The following MOGS variants were observed in gnomAD, a reference collection of about 807,000 sequenced individuals.
MOGS encodes the protein epididymis secretory sperm binding protein.
A neutral mutation model predicts 68.5 loss-of-function variants in MOGS; 45 were observed. The ratio of observed to expected loss-of-function variants is 0.66; its 90% confidence interval spans 0.52 to 0.84. The LOEUF is 0.84. Among genes scored for constraint, MOGS ranks in the 40% least tolerant of loss-of-function variants. MOGS has a pLI of 0.00. For missense variants in MOGS, 1,020 were observed against 1,095.0 expected (o/e 0.93, Z 0.97); for synonymous variants, 492 against 461.2 (o/e 1.07, Z -0.86).
chr2:74,465,135 C>T lies in MOGS; in HGVS notation c.113G>A (p.Arg38His). ...CAGAGCCACTCCTCCAGCCGTGCTA[C>T]GCGGCCCGCCGCCCCGGCCGTCCCG... ...GRRDGRGGGP[R>H]STAGGVALAV... Residue 38 changes from arginine (R) to histidine (H), a missense_variant, in exon 1 of 4, where the codon CGT becomes CAT. Arg to His is a conservative substitution (Grantham distance 29, BLOSUM62 0). This residue lies in a region of MOGS where 569 missense variants were observed against 571.9 expected (regional missense o/e 0.99). Coordinates refer to ENST00000448666, the MANE Select transcript of MOGS (RefSeq NM_006302.3). The T allele has an allele frequency of 6.5e-7, 1 of 1,533,604 alleles. No homozygotes were observed. The highest frequency in any genetic ancestry group is 1.2e-5 in the South Asian group (1 of 83,636). The allele number at this position is 1,533,604 out of a possible 1,614,324, so 95.0% of individuals were successfully genotyped here.
Position 74,461,538 on chromosome 2 carries a change from G to C in MOGS, c.2251C>G (p.Arg751Gly). The C allele has an allele frequency of 6.2e-7, 1 of 1,613,978 alleles. No homozygotes were observed. The highest frequency in any genetic ancestry group is 8.5e-7 in the Non-Finnish European group (1 of 1,179,920). ...TTGACATTGAGCCACACAGCACCCC[G>C]CCAGTAGGGGGGATCATGCTCTGAA... ...RNSEHDPPYW[R>G]GAVWLNVNYL... is the part of the protein sequence containing the mutation. Residue 751 changes from arginine to glycine, a missense_variant, in exon 4 of 4, where the codon CGG becomes GGG. Coordinates refer to ENST00000448666, the MANE Select transcript of MOGS (RefSeq NM_006302.3).
intron 2 of MOGS, 60 bp downstream of exon 2, chr2:74,464,436 G>A: frequency 6.5e-7 from 1 of 1,547,808 alleles, no homozygotes; most frequent in African/African-American, 1.4e-5. Flanking sequence ...TGCATTTGCT[G>A]GCAGCAAGGG....
At chr2:74,464,426 T>G (rs1672008420) in intron 2 of MOGS, 70 bp downstream of exon 2, 1 of 1,507,026 alleles carries the variant, frequency 6.6e-7, no homozygotes, top group Non-Finnish European at 9.2e-7. Context: ...CACTTCATGC[T>G]GCATTTGCTG....
chr2:74,463,003 G>A lies in MOGS; in HGVS notation c.786C>T (p.Val262=). The A allele has an allele frequency of 6.2e-7, 1 of 1,614,068 alleles. No individual in the cohort carries two copies. Among genetic ancestry groups the A allele is most frequent in the Non-Finnish European group, 8.5e-7 (1 of 1,180,042 alleles). The change falls in exon 4 of 4, where the codon GTC becomes GTT. Residue 262 remains valine (V), a synonymous_variant. Transcript: ENST00000448666. ...GCAGTCCTGGGTTGGAGGTCCAGAA[G>A]ACATTGTAGCTTGAAGGGGAGAAGA... ...DTAPKYGSYN[V]FWTSNPGLPL...
chr2:74,464,810 C>T (rs1572922143), intron 1 of MOGS, 86 bp downstream of exon 1: 2 of 1,555,718 alleles, frequency 1.3e-6, no homozygotes, highest in Admixed American at 1.9e-5. Flanking sequence ...CTCTCCTGAT[C>T]CATTCCTTCC....
rs1290590114 is a variant in MOGS, at chr2:74,462,804, G to A, written c.985C>T (p.Pro329Ser). 3 of 1,614,106 alleles carry A rather than the reference G, an allele frequency of 1.9e-6. No individual in the cohort carries two copies. The highest frequency in any genetic ancestry group is 2.5e-6 in the Non-Finnish European group (3 of 1,180,042). Residue 329 changes from proline to serine, a missense_variant, in exon 4 of 4, where the codon CCC becomes TCC. By Grantham distance (74) the Pro-to-Ser change is moderately conservative. Transcript: ENST00000448666. ...FLIQQVTLKI[P>S]ISIEFVFESG... The stretch of plus-strand genomic sequence containing the variant: ...TCAAACACAAACTCTATGGAAATGG[G>A]AATTTTCAGGGTCACCTGCTGTATC...
At position 74,465,302 on chromosome 2, in the gene MOGS, G is replaced by A; in HGVS notation, c.-55C>T. ...TCGGAGAGGCGGCAGTGGAGCCCGG[G>A]TCCTGCCTCACCTCTCCGGCTCCCG... On this transcript the variant is annotated 5_prime_UTR_variant, in exon 1 of 4. Transcript: ENST00000448666. The A allele has an allele frequency of 4.6e-6, 6 of 1,314,734 alleles. No individual in the cohort carries two copies. Among genetic ancestry groups the A allele is most frequent in the Non-Finnish European group, 5.8e-6 (6 of 1,027,954 alleles). The allele number at this position is 1,314,734 out of a possible 1,614,324, so 81.4% of individuals were successfully genotyped here.
rs1558564875 is a variant in MOGS, at chr2:74,461,788, C to T, written c.2001G>A (p.Arg667=). 1 of 1,614,186 alleles carries T rather than the reference C, an allele frequency of 6.2e-7. No individual in the cohort carries two copies. Among genetic ancestry groups the T allele is most frequent in the Non-Finnish European group, 8.5e-7 (1 of 1,180,030 alleles). ...NHTKAVQLKP[R]PPQGLVRVVG... is the part of the protein sequence containing the mutation. ...CCACCCGAACGAGCCCCTGAGGGGG[C>T]CTGGGCTTCAGCTGTACTGCTTTTG... The change falls in exon 4 of 4, where the codon AGG becomes AGA. Residue 667 remains arginine (R), a synonymous_variant. Coordinates refer to ENST00000448666, the MANE Select transcript of MOGS (RefSeq NM_006302.3).
Position 74,465,282 on chromosome 2 carries a change from G to T in MOGS, c.-35C>A. 7.3e-7 allele frequency: 1 copy of T among 1,375,622 alleles called. No homozygotes were observed. 85.2% of individuals were successfully genotyped at this position (1,375,622 alleles called of 1,614,324 possible). On this transcript the variant is annotated 5_prime_UTR_variant, in exon 1 of 4. Transcript: ENST00000448666. Reference sequence around the variant, plus strand: ...GAGGTCCGCGTCACAAGAGCTCGGAGAGGCGGCAGTGGAGCCCGGGTCCTG... The same window carrying T: ...GAGGTCCGCGTCACAAGAGCTCGGATAGGCGGCAGTGGAGCCCGGGTCCTG...
rs772623361 is a variant in MOGS at position 74,461,737 on chromosome 2, C to T, written c.2052G>A (p.Gln684=). Reference sequence around the variant, plus strand: ...TGACATAGCCAAGAGCATCTACATACTGCAGTTGAGGTTGGGGCCGACCCA... The same window carrying T: ...TGACATAGCCAAGAGCATCTACATATTGCAGTTGAGGTTGGGGCCGACCCA... The part of the protein sequence containing the change: ...RVVGRPQPQL[Q]YVDALGYVSL... The change falls in exon 4 of 4, where the codon CAG becomes CAA. Residue 684 remains glutamine, a synonymous_variant. Coordinates refer to ENST00000448666, the MANE Select transcript of MOGS (RefSeq NM_006302.3). 15 of 1,614,142 alleles carry T rather than the reference C, an allele frequency of 9.3e-6. No homozygotes were observed. Among genetic ancestry groups the T allele is most frequent in the South Asian group, 2.2e-5 (2 of 91,092 alleles).
chr2:74,461,311 G>A lies in MOGS; in HGVS notation c.2478C>T (p.Thr826=), dbSNP rs200889720. The A allele has an allele frequency of 6.2e-7, 1 of 1,614,094 alleles. No homozygotes were observed. Among genetic ancestry groups the A allele is most frequent in the East Asian group, 2.2e-5 (1 of 44,890 alleles). ...CAGCCATGGCCAGTAAGACAAGGCT[G>A]GTCCAGCCGTGGAAAGGGCGGCAGC... ...GMGCRPFHGW[T]SLVLLAMAED... Residue 826 remains threonine (T), a synonymous_variant, in exon 4 of 4, where the codon ACC becomes ACT. Transcript: ENST00000448666.
At position 74,461,209 on chromosome 2, in the gene MOGS, C is replaced by A. The variant is rs1671892211; in HGVS notation, c.*66G>T. The A allele has an allele frequency of 6.3e-7, 1 of 1,593,182 alleles. No individual in the cohort carries two copies. Among genetic ancestry groups the A allele is most frequent in the African/African-American group, 1.3e-5 (1 of 74,530 alleles). On this transcript the variant is annotated 3_prime_UTR_variant, in exon 4 of 4. Transcript: ENST00000448666. ...TATCCAAGGGGCTGGGGGCAAAAGCCAGAAGCCTTTGTCCCTTCAGAGCCA... is the reference window on the plus strand; with the variant it reads ...TATCCAAGGGGCTGGGGGCAAAAGCAAGAAGCCTTTGTCCCTTCAGAGCCA...
At position 74,461,394 on chromosome 2, in the gene MOGS, A is replaced by G. The variant is rs1671898537; in HGVS notation, c.2395T>C (p.Tyr799His). The change falls in exon 4 of 4, where the codon TAC (tyrosine) becomes CAC (histidine). Residue 799 changes from tyrosine to histidine, a missense_variant. This residue lies in a region of MOGS where 270 missense variants were observed against 261.3 expected (regional missense o/e 1.03). Transcript: ENST00000448666. The stretch of plus-strand genomic sequence containing the variant: ...TCCCAAAGAAAGCCTGTAGCCTGGT[A>G]CTGGCGCCATACATTGCCTACCACG... Reference protein sequence around the residue: ...ANVVGNVWRQYQATGFLWEQY... With the variant: ...ANVVGNVWRQHQATGFLWEQY... 9 of 1,614,184 alleles carry G rather than the reference A, an allele frequency of 5.6e-6. No individual in the cohort carries two copies. In the East Asian group the frequency reaches 1.8e-4, roughly 32 times the overall value.
Position 74,462,981 on chromosome 2 carries a change from G to A in MOGS, c.808C>T (p.Leu270=). Residue 270 remains leucine, a synonymous_variant, in exon 4 of 4, where the codon CTG becomes TTG. Coordinates refer to ENST00000448666, the MANE Select transcript of MOGS (RefSeq NM_006302.3). ...TTTACCATCTCTGTCAGCAGGGGCA[G>A]TCCTGGGTTGGAGGTCCAGAAGACA... ...YNVFWTSNPG[L]PLLTEMVKSR... The A allele has an allele frequency of 6.2e-7, 1 of 1,614,162 alleles. No individual in the cohort carries two copies. Among genetic ancestry groups the A allele is most frequent in the Non-Finnish European group, 8.5e-7 (1 of 1,180,054 alleles).
rs754475101 is a variant in MOGS at position 74,462,740 on chromosome 2, G to A, written c.1049C>T (p.Pro350Leu). 9 of 1,614,068 alleles carry A rather than the reference G, an allele frequency of 5.6e-6. No homozygotes were observed. The East Asian group carries it at 1.1e-4, about 20-fold the overall frequency. The change falls in exon 4 of 4, where the codon CCA (proline) becomes CTA (leucine). Residue 350 changes from proline to leucine, a missense_variant. Coordinates refer to ENST00000448666, the MANE Select transcript of MOGS (RefSeq NM_006302.3). ...SAQAGGNQAL[P>L]RLAGSLLTQA... ...GGTCAGTAGACTGCCTGCCAGTCTT[G>A]GCAGGGCTTGATTTCCTCCTGCCTG... is the stretch of plus-strand genomic sequence containing the variant.
chr2:74,461,735 T>G lies in MOGS; in HGVS notation c.2054A>C (p.Tyr685Ser). 1 of 1,614,192 alleles carries G rather than the reference T, an allele frequency of 6.2e-7. No homozygotes were observed. The highest frequency in any genetic ancestry group is 8.5e-7 in the Non-Finnish European group (1 of 1,180,056). The change falls in exon 4 of 4, where the codon TAT becomes TCT. Residue 685 changes from tyrosine to serine, a missense_variant. Transcript: ENST00000448666. Reference sequence around the variant, plus strand: ...ACTGACATAGCCAAGAGCATCTACATACTGCAGTTGAGGTTGGGGCCGACC... The same window carrying G: ...ACTGACATAGCCAAGAGCATCTACAGACTGCAGTTGAGGTTGGGGCCGACC... ...VVGRPQPQLQ[Y>S]VDALGYVSLF...
Sources: allele counts gnomAD v4.1 joint callset, GRCh38; gene constraint gnomAD v4.1.1; regional missense constraint gnomAD v4.1.1; transcripts MANE v1.5; gene names NCBI Gene and HGNC (gene_info 2026-07-23, HGNC 2026-07-21).